Variants in PLIN1 observed in about 807,000 individuals in gnomAD.
PLIN1 encodes perilipin 1, also known as perilipin-1.
A neutral mutation model predicts 45.8 loss-of-function variants in PLIN1; 37 were observed. The ratio of observed to expected loss-of-function variants is 0.81; its 90% CI spans 0.62 to 1.06. The LOEUF (loss-of-function observed/expected upper bound fraction) is 1.06. Among genes scored for constraint, PLIN1 ranks in the 50% least tolerant of loss-of-function variants. PLIN1 has a pLI of 0.00. For synonymous variants in PLIN1, 340 were observed against 309.2 expected (o/e 1.10, Z -1.05); for missense variants, 776 against 716.5 (o/e 1.08, Z -0.95).
chr15:89,667,232 T>C, intron 7 of PLIN1, 51 bp from the exon 8 acceptor site: 4 of 1,606,970 alleles, frequency 2.5e-6, no homozygotes, highest in Non-Finnish European at 3.4e-6. Flanking sequence ...CCCTGACCCT[T>C]CCCTCCCCAC....
In PLIN1 at chr15:89,667,610, A is replaced by G; in HGVS notation, c.955T>C (p.Phe319Leu). 6.2e-7 allele frequency: 1 copy of G among 1,613,922 alleles called. No individual in the cohort carries two copies. The highest frequency in any genetic ancestry group is 8.5e-7 in the Non-Finnish European group (1 of 1,179,918). The change falls in exon 7 of 9, where the codon TTC (phenylalanine) becomes CTC (leucine). Residue 319 changes from phenylalanine to leucine, a missense_variant. Coordinates refer to ENST00000300055, the MANE Select transcript of PLIN1 (RefSeq NM_002666.5). Reference sequence around the variant, plus strand: ...CCCACTCTCCCCCTCACCTCACTGAACTTGTTCTCCTCAGTCTCCAATTCT... The same window carrying G: ...CCCACTCTCCCCCTCACCTCACTGAGCTTGTTCTCCTCAGTCTCCAATTCT... ...EEELETEENKFSEVAALPGPR... is the reference protein window; with the variant it reads ...EEELETEENKLSEVAALPGPR...
rs140116505 is a variant in PLIN1, at chr15:89,667,108, G to A, written c.1037C>T (p.Thr346Ile). ...AGGTGCCCATGTCACAGCCGAGATG[G>A]TGGTCTGGAGGGTCTTCTGCAGGGT... Reference protein sequence around the residue: ...AHTLQKTLQTTISAVTWAPAA... With the variant: ...AHTLQKTLQTIISAVTWAPAA... Residue 346 changes from threonine (T) to isoleucine (I), a missense_variant, in exon 8 of 9, where the codon ACC becomes ATC. Thr to Ile is a moderately conservative substitution (Grantham distance 89). Coordinates refer to ENST00000300055, the MANE Select transcript of PLIN1 (RefSeq NM_002666.5). The A allele has an allele frequency of 8.1e-6, 13 of 1,613,970 alleles. No individual in the cohort carries two copies. The highest frequency in any genetic ancestry group is 2.7e-5 in the African/African-American group (2 of 74,926).
At chr15:89,672,757 C>T (rs982132477) in intron 3 of PLIN1, among the ~76,000 whole-genome samples, 3 of 152,202 alleles carry the variant, frequency 2.0e-5, no homozygotes, top group African/African-American at 4.8e-5. Context: ...GAGCCGCTAC[C>T]ATCAGCTGCT....
intron 6 of PLIN1, among the ~76,000 whole-genome samples, chr15:89,668,622 T>A (rs1964390004): frequency 1.3e-5 from 2 of 152,210 alleles, no homozygotes. Context: ...AGAGACTCCT[T>A]ATTACACAGC....
rs1945157563 is a variant in PLIN1, at chr15:89,667,631, ATTC to A, written c.931_933del (p.Glu311del). On this transcript the variant is annotated inframe_deletion, in exon 7 of 9. Coordinates refer to ENST00000300055, the MANE Select transcript of PLIN1 (RefSeq NM_002666.5). ...CTGAACTTGTTCTCCTCAGTCTCCA[ATTC>A]TTCCTCCTCCTCCGTGTCCTCTCCC... is the stretch of plus-strand genomic sequence containing the variant. 4 of 1,613,544 alleles carry A rather than the reference ATTC, an allele frequency of 2.5e-6. No individual in the cohort carries two copies. The highest frequency in any genetic ancestry group is 3.4e-6 in the Non-Finnish European group (4 of 1,179,746).
rs541209949 is a variant in PLIN1 at position 89,673,770 on chromosome 15, T to A, written c.46-356A>T. The stretch of plus-strand genomic sequence containing the variant: ...CAAGTGTTGTTAATGTCTAGAGTTT[T>A]AGTCCACCTTTGATTGGTGGCTTCT... On this transcript the variant is annotated intron_variant, in intron 2 of 8. Transcript: ENST00000300055. Among the ~76,000 whole-genome samples the A allele has an allele frequency of 1.2e-4, 19 of 152,326 alleles. No individual in the cohort carries two copies. In the East Asian group the frequency reaches 2.1e-3, roughly 17 times the overall value.
Position 89,673,896 on chromosome 15 carries a change from C to T in PLIN1, c.46-482G>A, listed in dbSNP as rs372555821. 1.8e-4 allele frequency among the ~76,000 whole-genome samples: 27 copies of T among 152,366 alleles called. 1 individual carries two copies. In the East Asian group the frequency reaches 4.8e-3, roughly 27 times the overall value. On this transcript the variant is annotated intron_variant, in intron 2 of 8. Transcript: ENST00000300055. ...CCTTCCCTCCCACAGCCCTTGCTGC[C>T]TGGCAGAATGCCATTCCTTCAAGAC...
At chr15:89,675,489 C>G (rs1022249903) in intron 2 of PLIN1, among the ~76,000 whole-genome samples, 1 of 151,368 alleles carries the variant, frequency 6.6e-6, no homozygotes, top group Non-Finnish European at 1.5e-5. Context: ...ACTACACAGT[C>G]CCAGCTGCTG....
intron 6 of PLIN1, among the ~76,000 whole-genome samples, chr15:89,668,524 C>T (rs950136245): frequency 6.6e-6 from 1 of 152,196 alleles, no homozygotes; most frequent in Non-Finnish European, 1.5e-5. Context: ...ATTCAATGAA[C>T]CAGAGTGTCC....
chr15:89,678,951 C>T (rs1173368997), intron 1 of PLIN1, among the ~76,000 whole-genome samples: 1 of 151,932 alleles, frequency 6.6e-6, no homozygotes, highest in Non-Finnish European at 1.5e-5. Flanking sequence ...GATCAAGGTA[C>T]CCTCCCACCT....
Position 89,669,656 on chromosome 15 carries a change from G to C in PLIN1, c.615C>G (p.His205Gln). The change falls in exon 6 of 9, where the codon CAC (histidine) becomes CAG (glutamine). Residue 205 changes from histidine (H) to glutamine (Q), a missense_variant. Physicochemically the swap from His to Gln is conservative, Grantham distance 24. Coordinates refer to ENST00000300055, the MANE Select transcript of PLIN1 (RefSeq NM_002666.5). ...CCTTGGGAGACTTCTGGGCTTGCTG[G>C]TGTCCAGGAGCAGGGGCTGGGTAGG... ...DKEESAPAPG[H>Q]QQAQKSPKAK... is the part of the protein sequence containing the mutation. 1 of 1,614,030 alleles carries C rather than the reference G, an allele frequency of 6.2e-7. No homozygotes were observed. Among genetic ancestry groups the C allele is most frequent in the East Asian group, 2.2e-5 (1 of 44,862 alleles).
Position 89,670,238 on chromosome 15 carries a change from A to C in PLIN1, c.340T>G (p.Ser114Ala), listed in dbSNP as rs945066432. 3.1e-6 allele frequency: 5 copies of C among 1,610,858 alleles called. No homozygotes were observed. Among genetic ancestry groups the C allele is most frequent in the Admixed American group, 3.3e-5 (2 of 59,898 alleles). The change falls in exon 5 of 9, where the codon TCT (serine) becomes GCT (alanine). Residue 114 changes from serine to alanine, a missense_variant. By Grantham distance (99) the Ser-to-Ala change is moderately conservative. Coordinates refer to ENST00000300055, the MANE Select transcript of PLIN1 (RefSeq NM_002666.5). ...ALQYPPEKIA[S>A]ELKDTISTRL... ...GTGGAGATGGTGTCCTTCAGCTCAG[A>C]AGCAATCTGGGGGAAGTTGGTGGGG...
At chr15:89,675,661 G>T (rs1253849661) in intron 2 of PLIN1, among the ~76,000 whole-genome samples, 1 of 152,014 alleles carries the variant, frequency 6.6e-6, no homozygotes, top group Non-Finnish European at 1.5e-5. Flanking sequence ...CAGAGGGAAA[G>T]AACATTTGCC....
rs1244206293 is a variant in PLIN1 at position 89,665,548 on chromosome 15, C to T, written c.*35G>A. 23 of 1,521,404 alleles carry T rather than the reference C, an allele frequency of 1.5e-5. No homozygotes were observed. The allele number at this position is 1,521,404 out of a possible 1,614,324, so 94.2% of individuals were successfully genotyped here. ...GGTTCTGTTTATTTGTTAGAGAAAC[C>T]CGCCGGCCCGGGGCGCGGCGGCTGG... On this transcript the variant is annotated 3_prime_UTR_variant, in exon 9 of 9. Coordinates refer to ENST00000300055, the MANE Select transcript of PLIN1 (RefSeq NM_002666.5).
chr15:89,665,660 C>T lies in PLIN1; in HGVS notation c.1492G>A (p.Asp498Asn), dbSNP rs1468312745. 14 of 1,496,524 alleles carry T rather than the reference C, an allele frequency of 9.4e-6. No homozygotes were observed. Among genetic ancestry groups the T allele is most frequent in the African/African-American group, 2.9e-5 (2 of 69,304 alleles). 92.7% of individuals were successfully genotyped at this position (1,496,524 alleles called of 1,614,324 possible). A position where few individuals can be genotyped will look rare whatever the true frequency, so the allele number is the denominator to read the frequency against. ...PREKPKRRVS[D>N]SFFRPSVMEP... ...ATGACGCTGGGCCGGAAGAAGCTGTCGCTGACCCTGCGCTTTGGCTTCTCG... is the reference window on the plus strand; with the variant it reads ...ATGACGCTGGGCCGGAAGAAGCTGTTGCTGACCCTGCGCTTTGGCTTCTCG... Residue 498 changes from aspartate to asparagine, a missense_variant, in exon 9 of 9, where the codon GAC (aspartate) becomes AAC (asparagine). By Grantham distance (23) the Asp-to-Asn change is conservative (BLOSUM62 1). Transcript: ENST00000300055.
intron 3 of PLIN1, 22 bp downstream of exon 3, chr15:89,673,188 G>A (rs771752908): frequency 1.3e-6 from 2 of 1,529,340 alleles, no homozygotes; most frequent in Non-Finnish European, 1.8e-6. Flanking sequence ...GCAGGCAGCT[G>A]CTGAGCGCCG....
chr15:89,678,609 A>C (rs1270327986), intron 1 of PLIN1, among the ~76,000 whole-genome samples: 2 of 152,146 alleles, frequency 1.3e-5, no homozygotes, highest in East Asian at 3.9e-4. Flanking sequence ...ATGAGGGTCC[A>C]AAAGAGACTA....
chr15:89,674,048 C>G (rs1964480928), intron 2 of PLIN1, among the ~76,000 whole-genome samples: 1 of 152,172 alleles, frequency 6.6e-6, no homozygotes, highest in African/African-American at 2.4e-5. Flanking sequence ...CATCTCACTC[C>G]CCGTAGACTG....
rs73485537 is a variant in PLIN1 at position 89,673,009 on chromosome 15, T to C, written c.250+201A>G. Among the ~76,000 whole-genome samples, 1,064 of 152,344 alleles carry C rather than the reference T, an allele frequency of 7.0e-3. 13 individuals carry two copies. Among genetic ancestry groups the C allele is most frequent in the African/African-American group, 0.025 (1,028 of 41,580 alleles). On this transcript the variant is annotated intron_variant, in intron 3 of 8. Transcript: ENST00000300055. ...TCCTAGGAAAATGCCAGCTGGGCCA[T>C]AGATAGGCATCTATAGAAGAAAAGA...
Sources: allele counts gnomAD v4.1 joint callset (sites outside exome capture counted in the v4.1 genomes callset), GRCh38; gene constraint gnomAD v4.1.1; transcripts MANE v1.5; gene names NCBI Gene and HGNC (gene_info 2026-07-23, HGNC 2026-07-21).